The following SLX4IP variants were observed in gnomAD, a reference collection of about 807,000 sequenced individuals.
SLX4IP encodes the protein SLX4 interacting protein.
A neutral mutation model predicts 32.9 loss-of-function variants in SLX4IP; 34 were observed. That is an observed-to-expected ratio of 1.03 (90% CI 0.79 to 1.38). SLX4IP has a LOEUF of 1.38. Ranked by LOEUF, SLX4IP falls within the 40% of genes most tolerant of loss-of-function variation. The pLI is 0.00. For synonymous variants in SLX4IP, 172 were observed against 171.7 expected, an observed-to-expected ratio of 1.00 and a Z score of -0.01; for missense variants, 444 against 479.0, an observed-to-expected ratio of 0.93 and a Z score of 0.68.
chr20:10,447,191 G>C (rs2065209196), intron 1 of SLX4IP, among the ~76,000 whole-genome samples: 1 of 152,162 alleles, frequency 6.6e-6, no homozygotes, highest in African/African-American at 2.4e-5. Flanking sequence ...TCACAGTGCT[G>C]CTCCCAGCAT....
intron 6 of SLX4IP, among the ~76,000 whole-genome samples, chr20:10,619,452 A>G (rs2067082014): frequency 1.3e-5 from 2 of 152,148 alleles, no homozygotes; most frequent in Admixed American, 1.3e-4. Flanking sequence ...AAATAAATAA[A>G]TAAAGGCAGT....
At chr20:10,605,798 C>T (rs867298125) in intron 6 of SLX4IP, among the ~76,000 whole-genome samples, 14 of 152,126 alleles carry the variant, frequency 9.2e-5, no homozygotes, top group African/African-American at 2.9e-4. Context: ...GAAGGATTAC[C>T]GGGACATCCT....
intron 2 of SLX4IP, among the ~76,000 whole-genome samples, chr20:10,472,078 C>G (rs1246254180): frequency 1.3e-5 from 2 of 152,124 alleles, no homozygotes; most frequent in African/African-American, 2.4e-5. Flanking sequence ...AGCAGCGTAC[C>G]TCCAGAGGAG....
chr20:10,610,246 T>G (rs2066950433), intron 6 of SLX4IP, among the ~76,000 whole-genome samples: 1 of 147,500 alleles, frequency 6.8e-6, no homozygotes, highest in Non-Finnish European at 1.5e-5. Context: ...TGATACTGTT[T>G]GCAGCCACTT....
chr20:10,623,399 G>C lies in SLX4IP; in HGVS notation c.*20G>C, dbSNP rs371493652. Reference sequence around the variant, plus strand: ...CATTAACACCGAAGAGGTTTGTACCGTTGGAGTTGAGGACATAGTGGCCAA... The same window carrying C: ...CATTAACACCGAAGAGGTTTGTACCCTTGGAGTTGAGGACATAGTGGCCAA... On this transcript the variant is annotated 3_prime_UTR_variant, in exon 8 of 8. Transcript: ENST00000334534. 1.3e-6 allele frequency: 2 copies of C among 1,584,688 alleles called. No homozygotes were observed. Among genetic ancestry groups the C allele is most frequent in the East Asian group, 4.5e-5 (2 of 44,610 alleles).
intron 2 of SLX4IP, among the ~76,000 whole-genome samples, chr20:10,533,804 G>C (rs1156697402): frequency 6.6e-6 from 1 of 151,834 alleles, no homozygotes; most frequent in Non-Finnish European, 1.5e-5. Flanking sequence ...ATTTTTGGTA[G>C]AGATGGGGCT....
At chr20:10,565,547 A>T (rs1798489477) in intron 4 of SLX4IP, among the ~76,000 whole-genome samples, 1 of 152,168 alleles carries the variant, frequency 6.6e-6, no homozygotes, top group South Asian at 2.1e-4. Flanking sequence ...CACAAGGCAA[A>T]ACTAGATTTC....
intron 2 of SLX4IP, among the ~76,000 whole-genome samples, chr20:10,551,099 T>C (rs2066213804): frequency 6.6e-6 from 1 of 152,186 alleles, no homozygotes; most frequent in Middle Eastern, 3.2e-3. Context: ...ATTTTCACCT[T>C]TATTCTTATA....
chr20:10,555,267 T>A (rs1458681651), intron 2 of SLX4IP, among the ~76,000 whole-genome samples: 2 of 151,864 alleles, frequency 1.3e-5, no homozygotes, highest in African/African-American at 4.8e-5. Flanking sequence ...ATAAACCGAA[T>A]CTCTGGGTCT....
intron 2 of SLX4IP, among the ~76,000 whole-genome samples, chr20:10,513,276 C>G (rs1317317042): frequency 2.0e-5 from 3 of 152,152 alleles, no homozygotes; most frequent in African/African-American, 7.2e-5. Flanking sequence ...GACGAGGAAA[C>G]TGAAGCACAG....
At position 10,613,431 on chromosome 20, in the gene SLX4IP, T is replaced by A. The variant is rs186186590; in HGVS notation, c.406-7883T>A. 3 of 1,585,318 alleles carry A rather than the reference T, an allele frequency of 1.9e-6. No individual in the cohort carries two copies. The African/African-American group carries it at 4.0e-5, about 21-fold the overall frequency. On this transcript the variant is annotated intron_variant, in intron 6 of 7. Coordinates refer to ENST00000334534, the MANE Select transcript of SLX4IP (RefSeq NM_001009608.3). ...ACCTAAGGACCTTTGAAGAGAAAAA[T>A]TCCATTATTTCTTTTTTTTCTTGAG...
intron 2 of SLX4IP, among the ~76,000 whole-genome samples, chr20:10,536,062 G>A (rs1196754017): frequency 1.3e-5 from 2 of 152,198 alleles, no homozygotes; most frequent in African/African-American, 4.8e-5. Flanking sequence ...CACTGTGGGT[G>A]AACTTGAACC....
intron 2 of SLX4IP, among the ~76,000 whole-genome samples, chr20:10,467,168 T>A (rs1476578569): frequency 6.6e-6 from 1 of 152,216 alleles, no homozygotes; most frequent in Non-Finnish European, 1.5e-5. Flanking sequence ...TTTCGTCTAC[T>A]TAAATGGGAA....
chr20:10,610,283 G>A (rs1219986865), intron 6 of SLX4IP, among the ~76,000 whole-genome samples: 1 of 152,234 alleles, frequency 6.6e-6, no homozygotes, highest in Non-Finnish European at 1.5e-5. Flanking sequence ...ATCTACACAA[G>A]AGCTTCACTG....
intron 4 of SLX4IP, among the ~76,000 whole-genome samples, chr20:10,592,955 A>G (rs913566533): frequency 1.3e-5 from 2 of 152,012 alleles, no homozygotes; most frequent in African/African-American, 2.4e-5. Flanking sequence ...AGTATATTAT[A>G]TGTTCCTAGT....
chr20:10,493,556 C>CTTCT (rs1555808896), intron 2 of SLX4IP, among the ~76,000 whole-genome samples: 3 of 151,500 alleles, frequency 2.0e-5, no homozygotes, highest in Non-Finnish European at 4.4e-5. Flanking sequence ...TCATTAAGTT[C>CTTCT]TTTTTTTTCA....
At chr20:10,552,448 A>G (rs2066227163) in intron 2 of SLX4IP, among the ~76,000 whole-genome samples, 1 of 151,490 alleles carries the variant, frequency 6.6e-6, no homozygotes, top group Admixed American at 6.6e-5. Flanking sequence ...AGTGACAAGA[A>G]GCAAAGCTTT....
At chr20:10,569,622 C>T (rs918398808) in intron 4 of SLX4IP, among the ~76,000 whole-genome samples, 2 of 152,148 alleles carry the variant, frequency 1.3e-5, no homozygotes, top group African/African-American at 4.8e-5. Flanking sequence ...TCTGAGGCCT[C>T]TCTCCTTTGC....
At chr20:10,456,581 C>G (rs1269435446) in intron 1 of SLX4IP, among the ~76,000 whole-genome samples, 1 of 152,104 alleles carries the variant, frequency 6.6e-6, no homozygotes, top group Non-Finnish European at 1.5e-5. Flanking sequence ...ACCTCGTGAT[C>G]TACCCGCCTC....
Sources: gnomAD v4.1 joint callset for allele counts (sites outside exome capture counted in the v4.1 genomes callset) on GRCh38, gnomAD v4.1.1 for gene constraint, MANE v1.5 for transcripts, NCBI Gene and HGNC (gene_info 2026-07-23, HGNC 2026-07-21) for gene names.